ATG2B: variants seen among roughly 807,000 people sequenced by gnomAD.
The protein encoded by ATG2B is autophagy related 2B.
ATG2B carries 121 observed loss-of-function variants against 241.3 expected under a neutral mutation model. That is an observed-to-expected ratio of 0.50 (90% CI 0.43 to 0.58). The LOEUF is 0.58. ATG2B is among the 20% of genes least tolerant of loss of function. The pLI is 0.00. For missense variants in ATG2B, 2,306 were observed against 2,491.6 expected (o/e 0.93, Z 1.59); for synonymous variants, 858 against 876.6 (o/e 0.98, Z 0.37).
chr14:96,306,228 T>G (rs1489519827), intron 30 of ATG2B, among the ~76,000 whole-genome samples: 1 of 152,206 alleles, frequency 6.6e-6, no homozygotes, highest in African/African-American at 2.4e-5. Context: ...TTTTAAAAAT[T>G]TAACCAGAAG....
rs541250560 is a variant in ATG2B, at chr14:96,304,811, A to T, written c.4734-208T>A. Among the ~76,000 whole-genome samples, 27 of 152,280 alleles carry T rather than the reference A, an allele frequency of 1.8e-4. No individual in the cohort carries two copies. In the South Asian group the frequency reaches 2.5e-3, roughly 14 times the overall value. The stretch of plus-strand genomic sequence containing the variant: ...CGCGTTTCATTATTGCCATTAGAGT[A>T]ATCACCTGCTTGCTAAATACTCAAA... On this transcript the variant is annotated intron_variant, in intron 31 of 41. Coordinates refer to ENST00000359933, the MANE Select transcript of ATG2B (RefSeq NM_018036.7).
chr14:96,337,470 C>T (rs1164714505), intron 6 of ATG2B, among the ~76,000 whole-genome samples: 1 of 152,094 alleles, frequency 6.6e-6, no homozygotes. Context: ...AAGGAGAACC[C>T]TCATATGCTT....
intron 29 of ATG2B, among the ~76,000 whole-genome samples, chr14:96,308,249 T>A (rs1342113573): frequency 1.9e-4 from 3 of 15,452 alleles, no homozygotes; most frequent in African/African-American, 6.6e-4. Context: ...TATATATATA[T>A]ATACACACAT....
Position 96,316,628 on chromosome 14 carries a change from T to A in ATG2B, c.3266A>T (p.Asn1089Ile). 6.2e-7 allele frequency: 1 copy of A among 1,613,080 alleles called. No homozygotes were observed. The highest frequency in any genetic ancestry group is 1.1e-5 in the South Asian group (1 of 90,806). ...NKHGEFWLEF[N>I]SGSLFCVTKY... ...TGTCACACAAAATAATGAACCACTA[T>A]TGAACTCTAACCAGAATTCACCATG... Residue 1089 changes from asparagine to isoleucine, a missense_variant, in exon 21 of 42, where the codon AAT (asparagine) becomes ATT (isoleucine). Physicochemically the swap from Asn to Ile is moderately radical, Grantham distance 149. Transcript: ENST00000359933.
chr14:96,304,649 T>C, intron 31 of ATG2B, 46 bp from the exon 32 acceptor site: 1 of 1,410,162 alleles, frequency 7.1e-7, no homozygotes, highest in Non-Finnish European at 9.8e-7. Context: ...TAAAGGAATA[T>C]TCAAAGAAAG....
rs559698926 is a variant in ATG2B at position 96,347,230 on chromosome 14, C to T, written c.274G>A (p.Ala92Thr). ...ATTTCTAATCCTCTCACTTCCAGTG[C>T]ACAATTATCCTGCAGTAAAGAGCCC... ...PWGSLLQDNCALEVRGLEMVF... is the reference protein window; with the variant it reads ...PWGSLLQDNCTLEVRGLEMVF... Residue 92 changes from alanine to threonine, a missense_variant, in exon 2 of 42, where the codon GCA (alanine) becomes ACA (threonine). Transcript: ENST00000359933. 43 of 1,609,574 alleles carry T rather than the reference C, an allele frequency of 2.7e-5. No homozygotes were observed. Among genetic ancestry groups the T allele is most frequent in the Admixed American group, 1.8e-4 (11 of 59,994 alleles).
At chr14:96,331,293 A>G in intron 11 of ATG2B, 83 bp downstream of exon 11, 11 of 1,343,218 alleles carry the variant, frequency 8.2e-6, no homozygotes, top group Non-Finnish European at 1.1e-5. Flanking sequence ...GGCAGATACA[A>G]AAGTCCACAT....
intron 34 of ATG2B, among the ~76,000 whole-genome samples, chr14:96,300,349 G>A (rs571220925): frequency 9.9e-5 from 15 of 152,148 alleles, no homozygotes; most frequent in African/African-American, 1.7e-4. Flanking sequence ...ATGGGACCAC[G>A]TCTCTACAAA....
intron 8 of ATG2B, 36 bp downstream of exon 8, chr14:96,333,652 T>C (rs1357889175): frequency 1.9e-6 from 3 of 1,573,830 alleles, no homozygotes; most frequent in South Asian, 1.2e-5. Flanking sequence ...ATGATTATAA[T>C]ATATGATTCT....
Position 96,304,543 on chromosome 14 carries a change from C to A in ATG2B, c.4794G>T (p.Gly1598=), listed in dbSNP as rs764899178. 1.2e-6 allele frequency: 2 copies of A among 1,613,358 alleles called. No individual in the cohort carries two copies. The highest frequency in any genetic ancestry group is 3.3e-5 in the Admixed American group (2 of 60,006). The stretch of plus-strand genomic sequence containing the variant: ...AAAAGTCATGGTTCCTTCCTTTTCC[C>A]CCACATACTGTATTACGTCCATGTC... ...PTRHGRNTVC[G]GKGRNHDFLM... is the part of the protein sequence containing the mutation. The change falls in exon 32 of 42, where the codon GGG becomes GGT. Residue 1598 remains glycine, a synonymous_variant. Coordinates refer to ENST00000359933, the MANE Select transcript of ATG2B (RefSeq NM_018036.7).
intron 36 of ATG2B, among the ~76,000 whole-genome samples, chr14:96,294,558 T>C (rs1012108940): frequency 1.3e-5 from 2 of 150,990 alleles, no homozygotes; most frequent in African/African-American, 4.9e-5. Flanking sequence ...ACAGAGAAAA[T>C]AGGTAGAAAA....
In ATG2B at chr14:96,313,065, C is replaced by G. The variant is rs1364562118; in HGVS notation, c.3842G>C (p.Arg1281Thr). The change falls in exon 25 of 42, where the codon AGA (arginine) becomes ACA (threonine). Residue 1281 changes from arginine to threonine, a missense_variant and splice_region_variant. Arg to Thr is a moderately conservative substitution (Grantham distance 71). Coordinates refer to ENST00000359933, the MANE Select transcript of ATG2B (RefSeq NM_018036.7). ...TATACAATGAAGTTTACACAGGTACCTGAGAGTAGAGGAAGATTTATCCAA... is the reference window on the plus strand; with the variant it reads ...TATACAATGAAGTTTACACAGGTACGTGAGAGTAGAGGAAGATTTATCCAA... ...VALDKSSSTLRIILDEAALHL... is the reference protein window; with the variant it reads ...VALDKSSSTLTIILDEAALHL... 1 of 1,594,264 alleles carries G rather than the reference C, an allele frequency of 6.3e-7. No individual in the cohort carries two copies. The highest frequency in any genetic ancestry group is 1.3e-5 in the African/African-American group (1 of 74,484).
At position 96,324,303 on chromosome 14, in the gene ATG2B, A is replaced by G; in HGVS notation, c.2438-305T>C. The G allele has an allele frequency of 2.0e-5, 5 of 246,382 alleles. No homozygotes were observed. In the South Asian group the frequency reaches 3.8e-4, roughly 19 times the overall value. 15.3% of individuals were successfully genotyped at this position (246,382 alleles called of 1,614,324 possible). A position where few individuals can be genotyped will look rare whatever the true frequency, so the allele number is the denominator to read the frequency against. ...GCTATTAGTGATTATTTCTTCATAA[A>G]GTCTATATAATCTACCACTAGAAAA... is the stretch of plus-strand genomic sequence containing the variant. On this transcript the variant is annotated intron_variant, in intron 15 of 41. Coordinates refer to ENST00000359933, the MANE Select transcript of ATG2B (RefSeq NM_018036.7).
At position 96,290,099 on chromosome 14, in the gene ATG2B, G is replaced by T. The variant is rs1451269686; in HGVS notation, c.5857-294C>A. On this transcript the variant is annotated intron_variant, in intron 40 of 41. Transcript: ENST00000359933. This position sits in a 1 kb window ranked among gnomAD's most constrained non-coding sequence, Gnocchi z 4.4. ...AGTCTATGGAGCTTAATACTTACTA[G>T]AATGATCTTTAATACTTCTGTTTAA... The T allele has an allele frequency of 4.1e-6, 5 of 1,224,984 alleles. No homozygotes were observed. The highest frequency in any genetic ancestry group is 3.1e-6 in the Non-Finnish European group (3 of 970,178). 75.9% of individuals were successfully genotyped at this position (1,224,984 alleles called of 1,614,324 possible).
intron 29 of ATG2B, among the ~76,000 whole-genome samples, chr14:96,307,977 G>A (rs747356387): frequency 6.6e-6 from 1 of 151,412 alleles, no homozygotes; most frequent in Non-Finnish European, 1.5e-5. Flanking sequence ...AGACATACTG[G>A]CTTTAAGAGA....
rs1390025550 is a variant in ATG2B at position 96,290,494 on chromosome 14, C to G, written c.5798G>C (p.Gly1933Ala). 2.5e-6 allele frequency: 4 copies of G among 1,614,166 alleles called. No homozygotes were observed. The East Asian group carries it at 6.7e-5, about 27-fold the overall frequency. ...RGFQRGAASF[G>A]TSTAMAALEL... is the part of the protein sequence containing the mutation. ...TAGAGCAGCCATCGCTGTCGAGGTACCAAAGGAAGCAGCGCCTCTCTGAAA... is the reference window on the plus strand; with the variant it reads ...TAGAGCAGCCATCGCTGTCGAGGTAGCAAAGGAAGCAGCGCCTCTCTGAAA... The change falls in exon 40 of 42, where the codon GGT becomes GCT. Residue 1933 changes from glycine to alanine, a missense_variant. This residue lies in a region of ATG2B where 379 missense variants were observed against 480.4 expected (regional missense o/e 0.79). Transcript: ENST00000359933. This position sits in a 1 kb window ranked among gnomAD's most constrained non-coding sequence, Gnocchi z 4.4.
chr14:96,294,626 A>C (rs553510852), intron 36 of ATG2B, among the ~76,000 whole-genome samples: 3 of 152,244 alleles, frequency 2.0e-5, no homozygotes, highest in Non-Finnish European at 4.4e-5. Context: ...AAAGGAAAAA[A>C]AGCAAAAGGA....
intron 6 of ATG2B, among the ~76,000 whole-genome samples, chr14:96,338,843 G>A (rs1451670589): frequency 6.6e-6 from 1 of 152,020 alleles, no homozygotes; most frequent in African/African-American, 2.4e-5. Flanking sequence ...AGAGTAAATG[G>A]ACAACCCACA....
chr14:96,300,222 C>CTA, intron 34 of ATG2B, among the ~76,000 whole-genome samples: 1 of 152,096 alleles, frequency 6.6e-6, no homozygotes, highest in South Asian at 2.1e-4. Context: ...ATTTAAAAGT[C>CTA]TATTAAAGAA....
Sources: gnomAD v4.1 joint callset for allele counts (sites outside exome capture counted in the v4.1 genomes callset) on GRCh38, gnomAD v4.1.1 for gene constraint, gnomAD v4.1.1 regional missense constraint, Gnocchi (gnomAD v3.1) non-coding constraint, MANE v1.5 for transcripts, NCBI Gene and HGNC (gene_info 2026-07-23, HGNC 2026-07-21) for gene names.